AHR: variants seen among roughly 807,000 people sequenced by gnomAD.
The protein encoded by AHR is AH-receptor.
AHR carries 40 observed loss-of-function variants against 86.8 expected under a neutral mutation model. The observed-to-expected ratio is 0.46, with a 90% CI of 0.36 to 0.60. The LOEUF is 0.60. Among genes scored for constraint, AHR ranks in the 20% least tolerant of loss-of-function variants. The probability of loss-of-function intolerance (pLI) is 0.00; values close to 1 mark genes in which losing one functional copy is unlikely to be tolerated. For missense variants in AHR, 1,001 were observed against 1,011.6 expected, an observed-to-expected ratio of 0.99 and a Z score of 0.14; for synonymous variants, 398 against 354.9, an observed-to-expected ratio of 1.12 and a Z score of -1.37.
chr7:17,311,017 C>T (rs1020269118), intron 2 of AHR, among the ~76,000 whole-genome samples: 2 of 152,140 alleles, frequency 1.3e-5, no homozygotes, highest in African/African-American at 4.8e-5. Flanking sequence ...TCAGTTTTCT[C>T]AGCAGTAAAG....
Position 17,339,341 on chromosome 7 carries a change from G to A in AHR, c.1516G>A (p.Asp506Asn). 1 of 1,614,198 alleles carries A rather than the reference G, an allele frequency of 6.2e-7. No homozygotes were observed. ...AGATAATACTGCACCGATGGGAAAT[G>A]ATACTATCCTGAAACATGAGCAAAT... ...WQDNTAPMGN[D>N]TILKHEQIDQ... Residue 506 changes from aspartate (D) to asparagine (N), a missense_variant, in exon 10 of 11, where the codon GAT (aspartate) becomes AAT (asparagine). Asp to Asn is a conservative substitution (Grantham distance 23). Coordinates refer to ENST00000242057, the MANE Select transcript of AHR (RefSeq NM_001621.5).
chr7:17,308,952 T>G (rs188170679), intron 1 of AHR, among the ~76,000 whole-genome samples: 1 of 152,188 alleles, frequency 6.6e-6, no homozygotes, highest in Non-Finnish European at 1.5e-5. Flanking sequence ...AAGAAAACGC[T>G]AGATAATTAC....
At chr7:17,315,171 T>C (rs1052478958) in intron 2 of AHR, among the ~76,000 whole-genome samples, 14 of 152,062 alleles carry the variant, frequency 9.2e-5, no homozygotes, top group Non-Finnish European at 1.5e-5. Flanking sequence ...TAGCGCATTC[T>C]TATTGAATGA....
chr7:17,323,479 T>G (rs1415101029), intron 3 of AHR, among the ~76,000 whole-genome samples: 1 of 152,146 alleles, frequency 6.6e-6, no homozygotes, highest in South Asian at 2.1e-4. Flanking sequence ...TTTTTTAGAA[T>G]TGATGCCATG....
Position 17,298,871 on chromosome 7 carries a change from G to T in AHR, c.-394G>T, listed in dbSNP as rs1781919409. On this transcript the variant is annotated 5_prime_UTR_variant, in exon 1 of 11. Coordinates refer to ENST00000242057, the MANE Select transcript of AHR (RefSeq NM_001621.5). ...AAGGGGCCGCGGCGACGGTCACGGG[G>T]CGCGGCGCCACCGTGAGCGACCCAG... 1.0e-5 allele frequency: 4 copies of T among 398,366 alleles called. No homozygotes were observed. The Admixed American group carries it at 1.3e-4, about 13-fold the overall frequency. 24.7% of individuals were successfully genotyped at this position (398,366 alleles called of 1,614,324 possible). A position where few individuals can be genotyped will look rare whatever the true frequency, so the allele number is the denominator to read the frequency against.
intron 1 of AHR, among the ~76,000 whole-genome samples, chr7:17,302,160 A>G (rs1781961306): frequency 6.6e-6 from 1 of 151,976 alleles, no homozygotes; most frequent in Admixed American, 6.5e-5. Flanking sequence ...GCTTACCTGT[A>G]CATAGAAAGT....
Position 17,345,813 on chromosome 7 carries a change from T to C in AHR, c.*2749T>C, listed in dbSNP as rs1162427221. The C allele has an allele frequency of 6.5e-6, 1 of 152,770 alleles. No homozygotes were observed. 9.5% of individuals were successfully genotyped at this position (152,770 alleles called of 1,614,324 possible). A position where few individuals can be genotyped will look rare whatever the true frequency, so the allele number is the denominator to read the frequency against. On this transcript the variant is annotated 3_prime_UTR_variant, in exon 11 of 11. Transcript: ENST00000242057. ...TTGTTAAGTGCCAAACAAAGGATAC[T>C]TAGTGCACTGCTACATTGTGGGATT...
At chr7:17,327,732 T>C in intron 3 of AHR, 27 bp from the exon 4 acceptor site, 1 of 1,338,706 alleles carries the variant, frequency 7.5e-7, no homozygotes, top group South Asian at 1.3e-5. Flanking sequence ...GTCATATTAC[T>C]AATTTTAGAA....
At chr7:17,303,640 T>C (rs1382301588) in intron 1 of AHR, among the ~76,000 whole-genome samples, 1 of 152,104 alleles carries the variant, frequency 6.6e-6, no homozygotes, top group Non-Finnish European at 1.5e-5. Context: ...ATAATTTTTT[T>C]AACTGTTTTT....
chr7:17,343,289 C>T lies in AHR; in HGVS notation c.*225C>T, dbSNP rs1782445713. On this transcript the variant is annotated 3_prime_UTR_variant, in exon 11 of 11. Coordinates refer to ENST00000242057, the MANE Select transcript of AHR (RefSeq NM_001621.5). ...ACAGTCAAGATAGAAAGGGTGCTGCCACGGAGTGGTGAGGTACCGTCTACA... is the reference window on the plus strand; with the variant it reads ...ACAGTCAAGATAGAAAGGGTGCTGCTACGGAGTGGTGAGGTACCGTCTACA... 1.8e-6 allele frequency: 1 copy of T among 554,504 alleles called. No homozygotes were observed. Among genetic ancestry groups the T allele is most frequent in the Middle Eastern group, 4.5e-4 (1 of 2,238 alleles). The allele number at this position is 554,504 out of a possible 1,614,324, so 34.3% of individuals were successfully genotyped here.
rs377724396 is a variant in AHR at position 17,322,559 on chromosome 7, A to C, written c.312A>C (p.Ala104=). 2.2e-4 allele frequency: 355 copies of C among 1,613,060 alleles called. No homozygotes were observed. The highest frequency in any genetic ancestry group is 2.7e-4 in the Non-Finnish European group (320 of 1,179,350). ...RNGGQDNCRA[A]NFREGLNLQE... ...GAGGCCAGGATAACTGTAGAGCAGCAAATTTCAGAGAAGGCCTGAACTTAC... is the reference window on the plus strand; with the variant it reads ...GAGGCCAGGATAACTGTAGAGCAGCCAATTTCAGAGAAGGCCTGAACTTAC... The change falls in exon 3 of 11, where the codon GCA becomes GCC. Residue 104 remains alanine (A), a synonymous_variant. Coordinates refer to ENST00000242057, the MANE Select transcript of AHR (RefSeq NM_001621.5).
intron 1 of AHR, among the ~76,000 whole-genome samples, chr7:17,308,963 T>C (rs910841532): frequency 1.3e-5 from 2 of 152,234 alleles, no homozygotes; most frequent in African/African-American, 4.8e-5. Context: ...AGATAATTAC[T>C]CTTCTGGCTA....
At chr7:17,320,774 G>T (rs1010994898) in intron 2 of AHR, among the ~76,000 whole-genome samples, 2 of 152,034 alleles carry the variant, frequency 1.3e-5, no homozygotes, top group African/African-American at 2.4e-5. Flanking sequence ...CATTTCCTTT[G>T]GTCTTGATGA....
chr7:17,331,540 C>G (rs1421874451), intron 6 of AHR, among the ~76,000 whole-genome samples: 1 of 151,726 alleles, frequency 6.6e-6, no homozygotes, highest in Non-Finnish European at 1.5e-5. Context: ...TTATGTAGCC[C>G]TTTTTTAATA....
intron 2 of AHR, among the ~76,000 whole-genome samples, chr7:17,315,534 T>C (rs1782106645): frequency 6.6e-6 from 1 of 151,940 alleles, no homozygotes; most frequent in Non-Finnish European, 1.5e-5. Flanking sequence ...TATTTGGCCA[T>C]GAACAGGTCA....
Position 17,322,893 on chromosome 7 carries a change from G to T in AHR, c.360+286G>T, listed in dbSNP as rs572285630. ...ATTTTTCTAGTTTAGATACAAAAAT[G>T]CTTACCATGTGTTAAAATTGCCTAC... On this transcript the variant is annotated intron_variant, in intron 3 of 10. Transcript: ENST00000242057. 1.6e-4 allele frequency among the ~76,000 whole-genome samples: 24 copies of T among 152,142 alleles called. No individual in the cohort carries two copies. In the Middle Eastern group the frequency reaches 0.01, roughly 65 times the overall value.
intron 2 of AHR, among the ~76,000 whole-genome samples, chr7:17,310,623 C>A (rs1782054030): frequency 6.6e-6 from 1 of 151,588 alleles, no homozygotes; most frequent in Non-Finnish European, 1.5e-5. Context: ...CAACCTCTGA[C>A]TCCCGGGTTC....
In AHR at chr7:17,339,728, C is replaced by CA; in HGVS notation, c.1904dup (p.Gln636AlafsTer13). On this transcript the variant is annotated frameshift_variant, in exon 10 of 11. Transcript: ENST00000242057. ...CCAAAAGCAAGTAGTAGTGGAGCCA[C>CA]AGCAACAGCTGTGTCAGAAGATGAA... The CA allele has an allele frequency of 6.2e-7, 1 of 1,614,164 alleles. No individual in the cohort carries two copies. The highest frequency in any genetic ancestry group is 8.5e-7 in the Non-Finnish European group (1 of 1,180,020).
At chr7:17,319,351 A>G (rs562213281) in intron 2 of AHR, among the ~76,000 whole-genome samples, 9 of 152,218 alleles carry the variant, frequency 5.9e-5, no homozygotes, top group African/African-American at 1.9e-4. Flanking sequence ...TGAGGAAACT[A>G]AAGGTCAAAG....
Sources: gnomAD v4.1 joint callset for allele counts (sites outside exome capture counted in the v4.1 genomes callset) on GRCh38, gnomAD v4.1.1 for gene constraint, MANE v1.5 for transcripts, NCBI Gene and HGNC (gene_info 2026-07-23, HGNC 2026-07-21) for gene names.